Variants in AUTS2 observed in about 807,000 individuals in gnomAD.
The protein encoded by AUTS2 is activator of transcription and developmental regulator AUTS2, also known as autism susceptibility gene 2 protein.
A neutral mutation model predicts 112.4 loss-of-function variants in AUTS2; 17 were observed. The observed-to-expected ratio is 0.15, with a 90% CI of 0.10 to 0.23. The LOEUF (loss-of-function observed/expected upper bound fraction) is 0.23. AUTS2 is among the 10% of genes least tolerant of loss of function. The pLI is 1.00. For missense variants in AUTS2, 1,510 were observed against 1,701.6 expected, an observed-to-expected ratio of 0.89 and a Z score of 1.98; for synonymous variants, 751 against 702.7, an observed-to-expected ratio of 1.07 and a Z score of -1.09.
Position 70,446,334 on chromosome 7 carries a change from G to A in AUTS2, c.690+10553G>A, listed in dbSNP as rs1156583354. 2.0e-5 allele frequency among the ~76,000 whole-genome samples: 3 copies of A among 152,298 alleles called. No individual in the cohort carries two copies. In the East Asian group the frequency reaches 5.8e-4, roughly 29 times the overall value. On this transcript the variant is annotated intron_variant, in intron 5 of 18. Transcript: ENST00000342771. ...GTGTTTATCGGCCGGAGTGCGTGCC[G>A]GCTGAGCTGATTACGGCACAACACT... is the stretch of plus-strand genomic sequence containing the variant.
At chr7:70,109,992 A>G (rs1292697797) in intron 2 of AUTS2, among the ~76,000 whole-genome samples, 1 of 152,220 alleles carries the variant, frequency 6.6e-6, no homozygotes, top group Admixed American at 6.5e-5. Context: ...CCTTCACATT[A>G]TTAAATTATG....
At chr7:69,957,911 G>A (rs925959822) in intron 2 of AUTS2, among the ~76,000 whole-genome samples, 10 of 152,166 alleles carry the variant, frequency 6.6e-5, no homozygotes, top group Non-Finnish European at 7.4e-5. Context: ...GTTGTGGGCT[G>A]GAATTCAGCA....
chr7:70,258,195 CATG>C (rs1311739855), intron 4 of AUTS2, among the ~76,000 whole-genome samples: 2 of 152,140 alleles, frequency 1.3e-5, no homozygotes, highest in Non-Finnish European at 2.9e-5. Context: ...TTGCCTGAGA[CATG>C]GTGTCACTGT....
At chr7:70,589,357 CAG>C (rs1176922444) in intron 5 of AUTS2, among the ~76,000 whole-genome samples, 2 of 152,198 alleles carry the variant, frequency 1.3e-5, no homozygotes, top group Admixed American at 6.5e-5. Context: ...CCTGGGCTAA[CAG>C]GGAATCAAAA....
At chr7:70,403,130 T>C (rs1375108654) in intron 4 of AUTS2, among the ~76,000 whole-genome samples, 4 of 152,204 alleles carry the variant, frequency 2.6e-5, no homozygotes, top group East Asian at 1.9e-4. Flanking sequence ...CCCCCTTTTT[T>C]ACAAGTGAAC....
chr7:69,684,589 C>A (rs1796975189), intron 1 of AUTS2, among the ~76,000 whole-genome samples: 1 of 152,172 alleles, frequency 6.6e-6, no homozygotes, highest in African/African-American at 2.4e-5. Flanking sequence ...TCCAGTATTC[C>A]CAGACCAGTG....
chr7:70,004,427 AT>A (rs1241208802), intron 2 of AUTS2, among the ~76,000 whole-genome samples: 1 of 17,256 alleles, frequency 5.8e-5, no homozygotes, highest in East Asian at 0.021. Flanking sequence ...TATATTATAT[AT>A]ATATATATAT....
chr7:69,888,540 G>GATAGATATATATATAT (rs1468555842), intron 1 of AUTS2, among the ~76,000 whole-genome samples: 25 of 99,230 alleles, frequency 2.5e-4, no homozygotes, highest in African/African-American at 9.8e-4. Flanking sequence ...CAACATTGGG[G>GATAGATATATATATAT]ATATATATAT....
intron 1 of AUTS2, among the ~76,000 whole-genome samples, chr7:69,650,167 T>A (rs982995841): frequency 6.6e-6 from 1 of 152,192 alleles, no homozygotes; most frequent in Non-Finnish European, 1.5e-5. Flanking sequence ...CCCATGCTGT[T>A]TTTCTAAAAT....
chr7:69,709,830 T>TG (rs1798236558), intron 1 of AUTS2, among the ~76,000 whole-genome samples: 1 of 152,202 alleles, frequency 6.6e-6, no homozygotes, highest in African/African-American at 2.4e-5. Context: ...AGATAACTCT[T>TG]GCTACCGTCT....
chr7:69,632,890 T>C (rs1794330707), intron 1 of AUTS2, among the ~76,000 whole-genome samples: 1 of 152,156 alleles, frequency 6.6e-6, no homozygotes, highest in African/African-American at 2.4e-5. Context: ...TTGTAAGATA[T>C]ATAAGATTAT....
rs182973191 is a variant in AUTS2 at position 70,132,680 on chromosome 7, A to C, written c.625-1856A>C. Among the ~76,000 whole-genome samples the C allele has an allele frequency of 9.0e-4, 137 of 152,280 alleles. 1 individual carries two copies. Among genetic ancestry groups the C allele is most frequent in the African/African-American group, 3.2e-3 (133 of 41,552 alleles). On this transcript the variant is annotated intron_variant, in intron 3 of 18. Transcript: ENST00000342771. ...CCACCCAGCTCCCTGAGTAATGTAC[A>C]ATATATATGCAAAACGAGCATAACA...
At chr7:69,904,618 T>G (rs985368362) in intron 2 of AUTS2, among the ~76,000 whole-genome samples, 2 of 152,230 alleles carry the variant, frequency 1.3e-5, no homozygotes, top group Non-Finnish European at 1.5e-5. Flanking sequence ...GAACTAGTAT[T>G]AAGAATGTCA....
chr7:69,918,612 G>T (rs965300869), intron 2 of AUTS2, among the ~76,000 whole-genome samples: 2 of 152,160 alleles, frequency 1.3e-5, no homozygotes, highest in African/African-American at 4.8e-5. Context: ...TGAGGATTTT[G>T]AGATGTGATT....
At chr7:70,133,416 A>G (rs1017067157) in intron 3 of AUTS2, among the ~76,000 whole-genome samples, 2 of 152,160 alleles carry the variant, frequency 1.3e-5, no homozygotes, top group Non-Finnish European at 2.9e-5. Flanking sequence ...TGTGCAAGTC[A>G]TTGTGTGAAG....
At chr7:70,757,523 C>CT (rs1463523766) in intron 6 of AUTS2, among the ~76,000 whole-genome samples, 2 of 152,004 alleles carry the variant, frequency 1.3e-5, no homozygotes, top group East Asian at 3.9e-4. Flanking sequence ...AAACAGATAC[C>CT]TTTTGGGAGG....
At chr7:70,632,982 C>T (rs528773064) in intron 5 of AUTS2, among the ~76,000 whole-genome samples, 1 of 150,850 alleles carries the variant, frequency 6.6e-6, no homozygotes, top group South Asian at 2.1e-4. Context: ...AGGCAAAGCC[C>T]TCTACCTTGG....
At chr7:70,055,481 T>G (rs1210868098) in intron 2 of AUTS2, among the ~76,000 whole-genome samples, 1 of 152,164 alleles carries the variant, frequency 6.6e-6, no homozygotes, top group Non-Finnish European at 1.5e-5. Flanking sequence ...ATAACTTAAG[T>G]AATAATGACT....
At chr7:69,946,791 C>T (rs546699201) in intron 2 of AUTS2, among the ~76,000 whole-genome samples, 21 of 152,166 alleles carry the variant, frequency 1.4e-4, no homozygotes, top group Non-Finnish European at 2.1e-4. Flanking sequence ...TGAAATAAGA[C>T]GAAGTATATA....
Sources: allele counts gnomAD v4.1 joint callset (sites outside exome capture counted in the v4.1 genomes callset), GRCh38; gene constraint gnomAD v4.1.1; transcripts MANE v1.5; gene names NCBI Gene and HGNC (gene_info 2026-07-23, HGNC 2026-07-21).